The following FYN variants were observed in gnomAD, a reference collection of about 807,000 sequenced individuals.
The protein encoded by FYN is FYN proto-oncogene, Src family tyrosine kinase.
Under a neutral mutation model 70.2 loss-of-function variants are expected in FYN, and 10 were observed. The observed-to-expected ratio is 0.14, with a 90% CI of 0.09 to 0.24. FYN has a LOEUF of 0.24. FYN is among the 10% of genes least tolerant of loss of function. FYN has a pLI of 1.00. For missense variants in FYN, 319 were observed against 673.1 expected (o/e 0.47, Z 5.82); for synonymous variants, 236 against 248.6 (o/e 0.95, Z 0.48).
chr6:111,711,140 T>A (rs1800358728), intron 5 of FYN, among the ~76,000 whole-genome samples: 1 of 152,172 alleles, frequency 6.6e-6, no homozygotes, highest in African/African-American at 2.4e-5. Context: ...CCTAGAGCCT[T>A]GGAGCCAGGG....
intron 3 of FYN, among the ~76,000 whole-genome samples, chr6:111,732,413 C>T (rs931932388): frequency 1.1e-4 from 16 of 152,166 alleles, no homozygotes; most frequent in African/African-American, 3.9e-4. Context: ...CAGGGTTGCC[C>T]TGGGTCTAAA....
intron 3 of FYN, among the ~76,000 whole-genome samples, chr6:111,763,312 CTA>C (rs1371665199): frequency 6.6e-6 from 1 of 152,204 alleles, no homozygotes; most frequent in Non-Finnish European, 1.5e-5. Flanking sequence ...CCCCCTGAAG[CTA>C]TGTCATGGGT....
chr6:111,736,304 A>T (rs756864300), intron 3 of FYN, among the ~76,000 whole-genome samples: 1 of 152,186 alleles, frequency 6.6e-6, no homozygotes, highest in Non-Finnish European at 1.5e-5. Flanking sequence ...AAAAAATATA[A>T]TATTAACACA....
At chr6:111,763,159 C>CA (rs1803078113) in intron 3 of FYN, among the ~76,000 whole-genome samples, 1 of 152,224 alleles carries the variant, frequency 6.6e-6, no homozygotes, top group African/African-American at 2.4e-5. Flanking sequence ...CCTGGACACA[C>CA]ACTGCCTTCG....
At chr6:111,759,379 T>TA (rs1802900126) in intron 3 of FYN, among the ~76,000 whole-genome samples, 1 of 152,186 alleles carries the variant, frequency 6.6e-6, no homozygotes, top group Non-Finnish European at 1.5e-5. Flanking sequence ...CCTCTCTTTT[T>TA]ATGCTTGTCT....
intron 2 of FYN, among the ~76,000 whole-genome samples, chr6:111,825,310 T>C (rs551329252): frequency 5.9e-5 from 9 of 152,338 alleles, no homozygotes; most frequent in Admixed American, 5.2e-4. Flanking sequence ...TTTTATTAAT[T>C]TGGCAACTGA....
chr6:111,765,127 G>A (rs1213468922), intron 3 of FYN, among the ~76,000 whole-genome samples: 2 of 152,068 alleles, frequency 1.3e-5, no homozygotes, highest in Non-Finnish European at 2.9e-5. Flanking sequence ...GCTTGTAACA[G>A]AGGAGACCTG....
intron 4 of FYN, among the ~76,000 whole-genome samples, chr6:111,716,616 C>T (rs1800654191): frequency 6.6e-6 from 1 of 151,146 alleles, no homozygotes; most frequent in African/African-American, 2.4e-5. Context: ...GTGCCATACT[C>T]GTCTGGGTAA....
intron 2 of FYN, among the ~76,000 whole-genome samples, chr6:111,819,198 A>C (rs1329640497): frequency 1.3e-5 from 2 of 152,116 alleles, no homozygotes; most frequent in Non-Finnish European, 1.5e-5. Flanking sequence ...AATCCCCTAC[A>C]TCCAGATGCA....
intron 3 of FYN, among the ~76,000 whole-genome samples, chr6:111,760,111 A>G (rs1802937904): frequency 6.6e-6 from 1 of 152,266 alleles, no homozygotes; most frequent in Non-Finnish European, 1.5e-5. Context: ...TGCGTCACCC[A>G]TACCGTACTG....
chr6:111,700,743 A>G (rs1799795233), intron 8 of FYN, among the ~76,000 whole-genome samples: 1 of 152,184 alleles, frequency 6.6e-6, no homozygotes, highest in African/African-American at 2.4e-5. Flanking sequence ...GTTCTTCCCC[A>G]CCTTTAGTAT....
At chr6:111,728,973 C>A (rs965375129) in intron 3 of FYN, among the ~76,000 whole-genome samples, 1 of 151,762 alleles carries the variant, frequency 6.6e-6, no homozygotes, top group African/African-American at 2.4e-5. Flanking sequence ...GAGAATATTG[C>A]CTTTGGTAGT....
At chr6:111,696,149 TG>T in intron 10 of FYN, 127 bp downstream of exon 10, 1 of 742,614 alleles carries the variant, frequency 1.3e-6, no homozygotes, top group Non-Finnish European at 2.1e-6. Flanking sequence ...ACATAACTGG[TG>T]GTTCCTAATG....
In FYN at chr6:111,873,312, G is replaced by A. The variant is rs1444520358; in HGVS notation, c.-467C>T. On this transcript the variant is annotated 5_prime_UTR_variant, in exon 1 of 14. Coordinates refer to ENST00000354650, the MANE Select transcript of FYN (RefSeq NM_002037.5). ...CGCCGGGCGGCGGGCGGGTCTCGAAGGCCTTCGGCTCGCGGCGACCCCTCC... is the reference window on the plus strand; with the variant it reads ...CGCCGGGCGGCGGGCGGGTCTCGAAAGCCTTCGGCTCGCGGCGACCCCTCC... 2 of 151,068 alleles carry A rather than the reference G, an allele frequency of 1.3e-5. No individual in the cohort carries two copies. The highest frequency in any genetic ancestry group is 4.9e-5 in the African/African-American group (2 of 41,148). The allele number at this position is 151,068 out of a possible 1,614,324, so 9.4% of individuals were successfully genotyped here.
chr6:111,845,578 C>G (rs987945721), intron 2 of FYN, among the ~76,000 whole-genome samples: 1 of 152,166 alleles, frequency 6.6e-6, no homozygotes, highest in South Asian at 2.1e-4. Context: ...TAGAGACAAA[C>G]GAGCTGCATT....
rs555452308 is a variant in FYN at position 111,694,134 on chromosome 6, G to A, written c.1273+241C>T. ...AGCATGAGCCAAGAGGACCACAGCA[G>A]CAAATACCAATACCCACCCACCCAC... On this transcript the variant is annotated intron_variant, in intron 12 of 13. Coordinates refer to ENST00000354650, the MANE Select transcript of FYN (RefSeq NM_002037.5). This position sits in a 1 kb window ranked among gnomAD's most constrained non-coding sequence, Gnocchi z 5.0. Among the ~76,000 whole-genome samples, 1 of 152,242 alleles carries A rather than the reference G, an allele frequency of 6.6e-6. No individual in the cohort carries two copies. Among genetic ancestry groups the A allele is most frequent in the South Asian group, 2.1e-4 (1 of 4,812 alleles).
At chr6:111,663,167 C>T (rs888537406) in intron 13 of FYN, among the ~76,000 whole-genome samples, 3 of 152,218 alleles carry the variant, frequency 2.0e-5, no homozygotes, top group South Asian at 2.1e-4. Context: ...GCTTCCTGGC[C>T]GGTGAGGCTG....
intron 2 of FYN, among the ~76,000 whole-genome samples, chr6:111,836,304 G>GA (rs1773183914): frequency 6.6e-6 from 1 of 152,176 alleles, no homozygotes; most frequent in Non-Finnish European, 1.5e-5. Flanking sequence ...TCACTATCTC[G>GA]AATCTCAGCT....
chr6:111,683,773 A>C (rs902055307), intron 12 of FYN, among the ~76,000 whole-genome samples: 2 of 152,150 alleles, frequency 1.3e-5, no homozygotes, highest in African/African-American at 4.8e-5. Flanking sequence ...AATTTGGTTT[A>C]CAGGAGGGGG....
Sources: gnomAD v4.1 joint callset for allele counts (sites outside exome capture counted in the v4.1 genomes callset) on GRCh38, gnomAD v4.1.1 for gene constraint, Gnocchi (gnomAD v3.1) non-coding constraint, MANE v1.5 for transcripts, NCBI Gene and HGNC (gene_info 2026-07-23, HGNC 2026-07-21) for gene names.